The following RB1 variants were observed in gnomAD, a reference collection of about 807,000 sequenced individuals.
RB1 encodes the protein RB transcriptional corepressor 1, also known as retinoblastoma-associated protein.
Under a neutral mutation model 135.4 loss-of-function variants are expected in RB1, and 18 were observed. The ratio of observed to expected loss-of-function variants is 0.13; its 90% CI spans 0.09 to 0.20. The LOEUF (loss-of-function observed/expected upper bound fraction) is 0.20. Ranked by LOEUF, RB1 falls within the 10% of genes least tolerant of loss-of-function variation. The pLI is 1.00. For synonymous variants in RB1, 365 were observed against 373.2 expected (o/e 0.98, Z 0.25); for missense variants, 868 against 1,110.0 (o/e 0.78, Z 3.10).
chr13:48,390,798 T>C (rs2138158534), intron 17 of RB1, among the ~76,000 whole-genome samples: 1 of 152,340 alleles, frequency 6.6e-6, no homozygotes, highest in East Asian at 1.9e-4. Flanking sequence ...TTCCCATTAA[T>C]ATCAACATGG....
chr13:48,364,794 G>C, intron 8 of RB1, 100 bp from the exon 9 acceptor site: 1 of 1,334,092 alleles, frequency 7.5e-7, no homozygotes, highest in Non-Finnish European at 1.0e-6. Flanking sequence ...TTACTGCATG[G>C]GGGATTGACA....
intron 17 of RB1, among the ~76,000 whole-genome samples, chr13:48,433,211 C>T (rs919482530): frequency 5.3e-5 from 8 of 151,586 alleles, no homozygotes; most frequent in South Asian, 2.1e-4. Flanking sequence ...TTCTTTTAGA[C>T]GTTAATTTTT....
chr13:48,381,462 G>A lies in RB1; in HGVS notation c.1695+19G>A, dbSNP rs2138145920. ...GCTCTCAGTAAGTAGCTAAATAATT[G>A]AAGAAATTCATTCATGTGCATATGG... is the stretch of plus-strand genomic sequence containing the variant. On this transcript the variant is annotated intron_variant, in intron 17 of 26. Transcript: ENST00000267163. 6.2e-7 allele frequency: 1 copy of A among 1,610,740 alleles called. No individual in the cohort carries two copies. The highest frequency in any genetic ancestry group is 1.7e-4 in the Middle Eastern group (1 of 6,012).
At chr13:48,394,046 G>A (rs1948629945) in intron 17 of RB1, among the ~76,000 whole-genome samples, 1 of 152,158 alleles carries the variant, frequency 6.6e-6, no homozygotes, top group South Asian at 2.1e-4. Flanking sequence ...TTCCAACTGA[G>A]GTACCTGGCT....
rs78400321 is a variant in RB1, at chr13:48,358,413, T to A, written c.608-1604T>A. Reference sequence around the variant, plus strand: ...CTCTGCACTTAATCTGTGACTTGTTTATGTTCCCCAAAGAGCTATGGTATG... The same window carrying A: ...CTCTGCACTTAATCTGTGACTTGTTAATGTTCCCCAAAGAGCTATGGTATG... On this transcript the variant is annotated intron_variant, in intron 6 of 26. Coordinates refer to ENST00000267163, the MANE Select transcript of RB1 (RefSeq NM_000321.3). 5.3e-3 allele frequency among the ~76,000 whole-genome samples: 806 copies of A among 152,252 alleles called. 1 individual carries two copies. Among genetic ancestry groups the A allele is most frequent in the Middle Eastern group, 0.02 (6 of 294 alleles).
At chr13:48,449,043 G>A (rs1949308918) in intron 17 of RB1, among the ~76,000 whole-genome samples, 1 of 152,058 alleles carries the variant, frequency 6.6e-6, no homozygotes, top group South Asian at 2.1e-4. Flanking sequence ...AAGAAAAATA[G>A]TATTTAGTAA....
chr13:48,479,965 A>C (rs2138364213), intron 26 of RB1, 33 bp from the exon 27 acceptor site: 1 of 1,583,080 alleles, frequency 6.3e-7, no homozygotes, highest in Non-Finnish European at 8.7e-7. Flanking sequence ...CAGTACCATC[A>C]ATGCTGTTAA....
chr13:48,412,327 T>G lies in RB1; in HGVS notation c.1695+30884T>G, dbSNP rs1060585. On this transcript the variant is annotated intron_variant, in intron 17 of 26. Coordinates refer to ENST00000267163, the MANE Select transcript of RB1 (RefSeq NM_000321.3). ...ATGTATATGGCAACACAATTGGATATTAACCCAAGCACAAACACCATGCTG... is the reference window on the plus strand; with the variant it reads ...ATGTATATGGCAACACAATTGGATAGTAACCCAAGCACAAACACCATGCTG... The G allele has an allele frequency of 1.2e-5, 20 of 1,613,328 alleles. No individual in the cohort carries two copies. In the South Asian group the frequency reaches 2.0e-4, roughly 16 times the overall value.
At chr13:48,435,655 C>G (rs1949175847) in intron 17 of RB1, among the ~76,000 whole-genome samples, 1 of 151,952 alleles carries the variant, frequency 6.6e-6, no homozygotes, top group Non-Finnish European at 1.5e-5. Flanking sequence ...GAAGATTTTC[C>G]CTTATACTTA....
chr13:48,473,477 G>A, intron 24 of RB1, 87 bp downstream of exon 24: 7 of 1,201,558 alleles, frequency 5.8e-6, no homozygotes, highest in Non-Finnish European at 8.5e-6. Context: ...ATTTCCAAAT[G>A]CAGTTATTCA....
In RB1 at chr13:48,307,322, A is replaced by T. The variant is rs878853948; in HGVS notation, c.180A>T (p.Leu60Phe). The change falls in exon 2 of 27, where the codon TTA becomes TTT. Residue 60 changes from leucine to phenylalanine, a missense_variant. This residue lies in a region of RB1 where 641 missense variants were observed against 791.3 expected (regional missense o/e 0.81). Transcript: ENST00000267163. The stretch of plus-strand genomic sequence containing the variant: ...CAGAAGAACCTGATTTTACTGCATT[A>T]TGTCAGAAATTAAAGATACCAGATC... Reference protein sequence around the residue: ...EETEEPDFTALCQKLKIPDHV... With the variant: ...EETEEPDFTAFCQKLKIPDHV... 6.2e-7 allele frequency: 1 copy of T among 1,610,164 alleles called. No homozygotes were observed. The highest frequency in any genetic ancestry group is 8.5e-7 in the Non-Finnish European group (1 of 1,176,618).
rs780264811 is a variant in RB1, at chr13:48,303,898, C to T, written c.-15C>T. 1.3e-6 allele frequency: 2 copies of T among 1,514,738 alleles called. No homozygotes were observed. The highest frequency in any genetic ancestry group is 2.6e-5 in the East Asian group (1 of 38,050). 93.8% of individuals were successfully genotyped at this position (1,514,738 alleles called of 1,614,324 possible). A position where few individuals can be genotyped will look rare whatever the true frequency, so the allele number is the denominator to read the frequency against. ...CTCCTCCACAGCTCGCTGGCTCCCG[C>T]CGCGGAAAGGCGTCATGCCGCCCAA... On this transcript the variant is annotated 5_prime_UTR_variant, in exon 1 of 27. Coordinates refer to ENST00000267163, the MANE Select transcript of RB1 (RefSeq NM_000321.3).
At chr13:48,307,239 T>C (rs2138033600) in intron 1 of RB1, 41 bp from the exon 2 acceptor site, 1 of 1,544,492 alleles carries the variant, frequency 6.5e-7, no homozygotes. Flanking sequence ...CAATTTGATT[T>C]ATAAGTATAT....
intron 2 of RB1, among the ~76,000 whole-genome samples, chr13:48,323,017 A>G (rs765473971): frequency 6.6e-6 from 1 of 152,046 alleles, no homozygotes; most frequent in Non-Finnish European, 1.5e-5. Context: ...GTATCAAGAT[A>G]ATACTGGCCT....
At chr13:48,479,054 C>T (rs967218668) in intron 26 of RB1, among the ~76,000 whole-genome samples, 4 of 151,938 alleles carry the variant, frequency 2.6e-5, no homozygotes, top group African/African-American at 9.7e-5. Context: ...TAGCAAGACC[C>T]CATCTTTACA....
At chr13:48,317,263 C>G in intron 2 of RB1, 1 of 416,578 alleles carries the variant, frequency 2.4e-6, no homozygotes, top group Non-Finnish European at 4.3e-6. Context: ...GGGTGGACAG[C>G]GCGGGGAGAA....
chr13:48,462,371 C>G (rs1949411685), intron 20 of RB1, among the ~76,000 whole-genome samples: 1 of 151,804 alleles, frequency 6.6e-6, no homozygotes, highest in Non-Finnish European at 1.5e-5. Context: ...GTAAGCCACC[C>G]ACCTTGGCCT....
In RB1 at chr13:48,307,482, T is replaced by G; in HGVS notation, c.264+76T>G. 5.7e-6 allele frequency: 8 copies of G among 1,399,854 alleles called. No individual in the cohort carries two copies. In the East Asian group the frequency reaches 1.2e-4, roughly 21 times the overall value. The allele number at this position is 1,399,854 out of a possible 1,614,324, so 86.7% of individuals were successfully genotyped here. A position where few individuals can be genotyped will look rare whatever the true frequency, so the allele number is the denominator to read the frequency against. On this transcript the variant is annotated intron_variant, in intron 2 of 26. Coordinates refer to ENST00000267163, the MANE Select transcript of RB1 (RefSeq NM_000321.3). The stretch of plus-strand genomic sequence containing the variant: ...CAACTTCAAATCACTATACAAAAAT[T>G]GAAAGATAGAAAAATATAAAGACAA...
intron 17 of RB1, among the ~76,000 whole-genome samples, chr13:48,452,700 T>G (rs914098856): frequency 1.3e-5 from 2 of 152,158 alleles, no homozygotes; most frequent in African/African-American, 4.8e-5. Flanking sequence ...CTTCATTTCT[T>G]TCTCTCCACT....
Sources: allele counts gnomAD v4.1 joint callset (sites outside exome capture counted in the v4.1 genomes callset), GRCh38; gene constraint gnomAD v4.1.1; regional missense constraint gnomAD v4.1.1; transcripts MANE v1.5; gene names NCBI Gene and HGNC (gene_info 2026-07-23, HGNC 2026-07-21).